The following GBE1 variants were observed in gnomAD, a reference collection of about 807,000 sequenced individuals.
GBE1 encodes 1,4-alpha-glucan-branching enzyme.
GBE1 carries 70 observed loss-of-function variants against 88.8 expected under a neutral mutation model. That is an observed-to-expected ratio of 0.79 (90% CI 0.65 to 0.96). GBE1 has a LOEUF of 0.96. Among genes scored for constraint, GBE1 ranks in the 40% least tolerant of loss-of-function variants. The probability of loss-of-function intolerance (pLI) is 0.00; values close to 1 mark genes in which losing one functional copy is unlikely to be tolerated. For synonymous variants in GBE1, 284 were observed against 300.1 expected, an observed-to-expected ratio of 0.95 and a Z score of 0.56; for missense variants, 872 against 871.0, an observed-to-expected ratio of 1.00 and a Z score of -0.01.
chr3:81,591,721 A>G (rs1376795545), intron 8 of GBE1, among the ~76,000 whole-genome samples: 2 of 152,110 alleles, frequency 1.3e-5, no homozygotes, highest in Non-Finnish European at 2.9e-5. Context: ...TGGTTATAGT[A>G]TATTTCACTT....
chr3:81,751,947 T>C (rs1398972471), intron 1 of GBE1, among the ~76,000 whole-genome samples: 1 of 152,178 alleles, frequency 6.6e-6, no homozygotes, highest in African/African-American at 2.4e-5. Context: ...AAACAAACAG[T>C]TAATTCTTTT....
Position 81,539,666 on chromosome 3 carries a change from T to C in GBE1, c.1619-2571A>G, listed in dbSNP as rs193019813. Among the ~76,000 whole-genome samples, 433 of 152,060 alleles carry C rather than the reference T, an allele frequency of 2.8e-3. 1 individual carries two copies. The highest frequency in any genetic ancestry group is 5.6e-3 in the South Asian group (27 of 4,822). On this transcript the variant is annotated intron_variant, in intron 12 of 15. Transcript: ENST00000429644. ...CTGAGATGGAAATAACAAGATTTGA[T>C]GACAGACTGACTGAATGGCGACAGT...
At chr3:81,661,834 G>A (rs182587922) in intron 3 of GBE1, among the ~76,000 whole-genome samples, 1 of 152,004 alleles carries the variant, frequency 6.6e-6, no homozygotes, top group East Asian at 1.9e-4. Context: ...TATCATAAAG[G>A]AAAGAAAACA....
chr3:81,570,305 G>C (rs978093629), intron 12 of GBE1, among the ~76,000 whole-genome samples: 2 of 152,132 alleles, frequency 1.3e-5, no homozygotes, highest in African/African-American at 4.8e-5. Flanking sequence ...TGTACCATTT[G>C]TTCAAAGTAT....
At chr3:81,712,634 A>G (rs1181492388) in intron 1 of GBE1, among the ~76,000 whole-genome samples, 1 of 140,996 alleles carries the variant, frequency 7.1e-6, no homozygotes, top group Non-Finnish European at 1.5e-5. Context: ...AACATCACAC[A>G]CTGGGGCCTG....
chr3:81,552,335 T>G (rs183755543), intron 12 of GBE1, among the ~76,000 whole-genome samples: 71 of 152,196 alleles, frequency 4.7e-4, no homozygotes, highest in African/African-American at 1.4e-3. Context: ...CTGGCCAGCA[T>G]GGCGAAATCC....
chr3:81,511,944 T>C (rs1660111638), intron 14 of GBE1, among the ~76,000 whole-genome samples: 1 of 151,320 alleles, frequency 6.6e-6, no homozygotes, highest in African/African-American at 2.4e-5. Flanking sequence ...GGAATCAACG[T>C]AGGTGCCCAT....
At chr3:81,662,008 CCTA>C (rs2107098777) in intron 3 of GBE1, among the ~76,000 whole-genome samples, 1 of 152,108 alleles carries the variant, frequency 6.6e-6, no homozygotes, top group Admixed American at 6.5e-5. Context: ...GCCTAATCTT[CCTA>C]CTAATTTATT....
chr3:81,636,010 C>A (rs1277477606), intron 7 of GBE1, among the ~76,000 whole-genome samples: 1 of 152,106 alleles, frequency 6.6e-6, no homozygotes, highest in Non-Finnish European at 1.5e-5. Context: ...CAGATAATAC[C>A]AGGAACAAAG....
chr3:81,692,196 T>G (rs1705530812), intron 2 of GBE1, among the ~76,000 whole-genome samples: 1 of 152,244 alleles, frequency 6.6e-6, no homozygotes, highest in Non-Finnish European at 1.5e-5. Context: ...ATATTTTTAT[T>G]TTTAATGCCT....
rs368381161 is a variant in GBE1 at position 81,668,306 on chromosome 3, C to T, written c.429+2532G>A. On this transcript the variant is annotated intron_variant, in intron 3 of 15. Coordinates refer to ENST00000429644, the MANE Select transcript of GBE1 (RefSeq NM_000158.4). ...CGTATATCTATGTAACAAACCTGCA[C>T]GTTCTGCATGTGTATCCCAGAACTT... Among the ~76,000 whole-genome samples the T allele has an allele frequency of 1.4e-3, 207 of 151,976 alleles. 2 individuals carry two copies. Among genetic ancestry groups the T allele is most frequent in the Non-Finnish European group, 2.0e-3 (133 of 67,970 alleles).
chr3:81,666,340 T>C (rs1288188791), intron 3 of GBE1, among the ~76,000 whole-genome samples: 2 of 152,216 alleles, frequency 1.3e-5, no homozygotes, highest in African/African-American at 4.8e-5. Context: ...TTTCTTTCCA[T>C]ATTTTTTAAA....
chr3:81,620,526 T>C (rs2107011966), intron 7 of GBE1, among the ~76,000 whole-genome samples: 1 of 152,324 alleles, frequency 6.6e-6, no homozygotes, highest in East Asian at 1.9e-4. Flanking sequence ...AAAGAGCACT[T>C]AGTATATATA....
intron 7 of GBE1, among the ~76,000 whole-genome samples, chr3:81,626,527 AAGG>A (rs1704419016): frequency 6.6e-6 from 1 of 152,154 alleles, no homozygotes; most frequent in African/African-American, 2.4e-5. Context: ...CAGCGAAGAT[AAGG>A]AGAAGGGGCT....
At chr3:81,609,559 T>G (rs551391619) in intron 7 of GBE1, among the ~76,000 whole-genome samples, 71 of 150,394 alleles carry the variant, frequency 4.7e-4, no homozygotes, top group South Asian at 1.5e-3. Context: ...ATTTTGGGGG[T>G]TTTTTTTTGG....
intron 3 of GBE1, among the ~76,000 whole-genome samples, chr3:81,666,990 A>C (rs1705121502): frequency 6.6e-6 from 1 of 152,218 alleles, no homozygotes; most frequent in South Asian, 2.1e-4. Flanking sequence ...AGGTTTAGAG[A>C]TGACAGATGT....
In GBE1 at chr3:81,742,976, T is replaced by C. The variant is rs1170666799; in HGVS notation, c.143+18399A>G. On this transcript the variant is annotated intron_variant, in intron 1 of 15. Coordinates refer to ENST00000429644, the MANE Select transcript of GBE1 (RefSeq NM_000158.4). ...ATAAATATTTCTAGATTCCTAATAT[T>C]ACAGAACAAGCTAGACCAGACCCCT... is the stretch of plus-strand genomic sequence containing the variant. Among the ~76,000 whole-genome samples, 7 of 152,134 alleles carry C rather than the reference T, an allele frequency of 4.6e-5. No homozygotes were observed. The East Asian group carries it at 9.6e-4, about 21-fold the overall frequency.
intron 7 of GBE1, among the ~76,000 whole-genome samples, chr3:81,617,102 G>GC (rs1480060120): frequency 3.6e-5 from 3 of 83,260 alleles, no homozygotes; most frequent in Non-Finnish European, 6.4e-5. Context: ...AAATTCTGGA[G>GC]GGGTTTGTTT....
At chr3:81,656,490 T>C (rs773441515) in intron 3 of GBE1, among the ~76,000 whole-genome samples, 1 of 152,178 alleles carries the variant, frequency 6.6e-6, no homozygotes, top group South Asian at 2.1e-4. Context: ...TTTTAACTTC[T>C]GCACTTCAAA....
Sources: gnomAD v4.1 joint callset for allele counts (sites outside exome capture counted in the v4.1 genomes callset) on GRCh38, gnomAD v4.1.1 for gene constraint, MANE v1.5 for transcripts, NCBI Gene and HGNC (gene_info 2026-07-23, HGNC 2026-07-21) for gene names.